CNTNAP2: variants seen among roughly 807,000 people sequenced by gnomAD.
CNTNAP2 encodes contactin associated protein 2.
A neutral mutation model predicts 155.2 loss-of-function variants in CNTNAP2; 98 were observed. The ratio of observed to expected loss-of-function variants is 0.63; its 90% confidence interval spans 0.54 to 0.75. The LOEUF is 0.75. CNTNAP2 is among the 30% of genes least tolerant of loss of function. The pLI is 0.00. For missense variants in CNTNAP2, 1,727 were observed against 1,688.1 expected, an observed-to-expected ratio of 1.02 and a Z score of -0.40; for synonymous variants, 651 against 631.2, an observed-to-expected ratio of 1.03 and a Z score of -0.47.
chr7:146,954,047 A>G (rs1797382566), intron 3 of CNTNAP2, among the ~76,000 whole-genome samples: 1 of 151,944 alleles, frequency 6.6e-6, no homozygotes, highest in Non-Finnish European at 1.5e-5. Context: ...TTTTCAGATA[A>G]AAGCAACTCT....
Position 147,703,953 on chromosome 7 carries a change from G to T in CNTNAP2, c.2098+64647G>T, listed in dbSNP as rs148774672. On this transcript the variant is annotated intron_variant, in intron 13 of 23. Transcript: ENST00000361727. ...AGCTCCCACATATGAGTGAGAACAT[G>T]CAATATTTGTCTTTCCATGCCTGGC... 4.1e-3 allele frequency among the ~76,000 whole-genome samples: 629 copies of T among 152,192 alleles called. 2 individuals carry two copies. The highest frequency in any genetic ancestry group is 0.014 in the African/African-American group (592 of 41,524).
intron 13 of CNTNAP2, among the ~76,000 whole-genome samples, chr7:147,894,556 C>T (rs188011764): frequency 1.7e-3 from 265 of 152,280 alleles, no homozygotes; most frequent in Non-Finnish European, 2.4e-3. Flanking sequence ...GACTCTTTAA[C>T]AGAATTTGTA....
At chr7:147,524,969 A>G (rs1196120657) in intron 11 of CNTNAP2, among the ~76,000 whole-genome samples, 5 of 152,362 alleles carry the variant, frequency 3.3e-5, no homozygotes, top group Non-Finnish European at 5.9e-5. Flanking sequence ...TAGAAAGTGA[A>G]ACAATTGCTT....
rs936603915 is a variant in CNTNAP2, at chr7:147,639,146, G to A, written c.1938G>A (p.Met646Ile). ...CCATAGTGTCTCATGACTTGCAGAT[G>A]CAGACGCCTGTGGTCGGCTACAACC... is the stretch of plus-strand genomic sequence containing the variant. Reference protein sequence around the residue: ...VWTIVSHDLQMQTPVVGYNPE... With the variant: ...VWTIVSHDLQIQTPVVGYNPE... The change falls in exon 13 of 24, where the codon ATG becomes ATA. Residue 646 changes from methionine (M) to isoleucine (I), a missense_variant. Coordinates refer to ENST00000361727, the MANE Select transcript of CNTNAP2 (RefSeq NM_014141.6). The A allele has an allele frequency of 6.2e-7, 1 of 1,614,122 alleles. No individual in the cohort carries two copies. Among genetic ancestry groups the A allele is most frequent in the Non-Finnish European group, 8.5e-7 (1 of 1,180,008 alleles).
At chr7:146,734,997 GT>G (rs1394605398) in intron 1 of CNTNAP2, among the ~76,000 whole-genome samples, 1 of 152,088 alleles carries the variant, frequency 6.6e-6, no homozygotes, top group Non-Finnish European at 1.5e-5. Flanking sequence ...AAATCCAGAT[GT>G]TTAACCATGA....
intron 1 of CNTNAP2, among the ~76,000 whole-genome samples, chr7:146,405,903 C>T (rs562292853): frequency 9.9e-5 from 15 of 152,272 alleles, no homozygotes; most frequent in African/African-American, 2.2e-4. Flanking sequence ...TCTTTTGTCA[C>T]GATGACAACT....
At chr7:147,125,995 AT>A (rs1381651291) in intron 6 of CNTNAP2, among the ~76,000 whole-genome samples, 7 of 152,122 alleles carry the variant, frequency 4.6e-5, no homozygotes, top group Non-Finnish European at 1.0e-4. Flanking sequence ...GGCTGCTAAC[AT>A]TTCACTTTGC....
chr7:146,550,415 T>TTTG (rs1554447441), intron 1 of CNTNAP2, among the ~76,000 whole-genome samples: 1 of 115,760 alleles, frequency 8.6e-6, no homozygotes, highest in Non-Finnish European at 1.9e-5. Context: ...TTTTTTTTTT[T>TTTG]TTTTTTTTTT....
At chr7:147,194,302 G>T (rs1249846615) in intron 8 of CNTNAP2, among the ~76,000 whole-genome samples, 2 of 152,130 alleles carry the variant, frequency 1.3e-5, no homozygotes, top group Admixed American at 1.3e-4. Flanking sequence ...TGGTGTATAT[G>T]TACCACATTT....
intron 1 of CNTNAP2, among the ~76,000 whole-genome samples, chr7:146,208,468 G>C (rs1584802941): frequency 6.6e-6 from 1 of 151,870 alleles, no homozygotes; most frequent in Non-Finnish European, 1.5e-5. Context: ...TGAGGAAATG[G>C]CATGTCCTTA....
chr7:147,300,066 G>C, intron 8 of CNTNAP2, 75 bp from the exon 9 acceptor site: 1 of 1,474,092 alleles, frequency 6.8e-7, no homozygotes, highest in South Asian at 1.2e-5. Context: ...GTAAAATCGT[G>C]ATTTGTTGAT....
chr7:147,101,189 A>G (rs1355822021), intron 4 of CNTNAP2, among the ~76,000 whole-genome samples: 1 of 152,210 alleles, frequency 6.6e-6, no homozygotes, highest in African/African-American at 2.4e-5. Flanking sequence ...CAGGAGCTAT[A>G]TCATTGAGGG....
At chr7:147,169,011 G>A (rs1038531336) in intron 8 of CNTNAP2, among the ~76,000 whole-genome samples, 13 of 152,082 alleles carry the variant, frequency 8.5e-5, no homozygotes, top group South Asian at 6.2e-4. Context: ...AAAGCACTTC[G>A]TTCAAGTGGC....
At chr7:147,849,938 G>A (rs891522291) in intron 13 of CNTNAP2, 1 of 152,238 alleles carries the variant, frequency 6.6e-6, no homozygotes. Context: ...AGCAGGGTTG[G>A]TTTGGCTAGT....
At chr7:148,069,371 G>C (rs1245452515) in intron 15 of CNTNAP2, among the ~76,000 whole-genome samples, 2 of 152,138 alleles carry the variant, frequency 1.3e-5, no homozygotes. Flanking sequence ...ACTCTGAGTG[G>C]AGACAGGGAA....
intron 1 of CNTNAP2, among the ~76,000 whole-genome samples, chr7:146,385,900 T>C (rs1437955482): frequency 6.6e-6 from 1 of 152,230 alleles, no homozygotes; most frequent in Admixed American, 6.5e-5. Flanking sequence ...AACCACCTTC[T>C]AGGTAGTAAA....
intron 17 of CNTNAP2, among the ~76,000 whole-genome samples, chr7:148,171,620 A>T (rs967639662): frequency 6.6e-6 from 1 of 152,220 alleles, no homozygotes; most frequent in Non-Finnish European, 1.5e-5. Flanking sequence ...TGACATTTAG[A>T]CAAAAGCAAT....
intron 21 of CNTNAP2, among the ~76,000 whole-genome samples, chr7:148,328,924 C>T (rs955147559): frequency 1.5e-5 from 2 of 129,902 alleles, no homozygotes; most frequent in East Asian, 2.6e-4. Context: ...TGCAGTGAGC[C>T]GAGATTGTGC....
intron 1 of CNTNAP2, among the ~76,000 whole-genome samples, chr7:146,171,641 A>AT (rs1562976388): frequency 6.6e-6 from 1 of 151,796 alleles, no homozygotes; most frequent in Non-Finnish European, 1.5e-5. Flanking sequence ...TTCATCATGC[A>AT]TCAACACCAG....
Sources: gnomAD v4.1 joint callset for allele counts (sites outside exome capture counted in the v4.1 genomes callset) on GRCh38, gnomAD v4.1.1 for gene constraint, MANE v1.5 for transcripts, NCBI Gene and HGNC (gene_info 2026-07-23, HGNC 2026-07-21) for gene names.